The following DPP10 variants were observed in gnomAD, a reference collection of about 807,000 sequenced individuals.
DPP10 encodes the protein dipeptidyl peptidase like 10, also known as inactive dipeptidyl peptidase 10.
DPP10 carries 33 observed loss-of-function variants against 120.9 expected under a neutral mutation model. The ratio of observed to expected loss-of-function variants is 0.27; its 90% CI spans 0.21 to 0.37. The LOEUF (loss-of-function observed/expected upper bound fraction) is 0.37. Among genes scored for constraint, DPP10 ranks in the 10% least tolerant of loss-of-function variants. DPP10 has a pLI of 1.00. For missense variants in DPP10, 816 were observed against 942.8 expected (o/e 0.87, Z 1.76); for synonymous variants, 337 against 326.1 (o/e 1.03, Z -0.36).
At chr2:115,188,288 C>T (rs1386171176) in intron 1 of DPP10, among the ~76,000 whole-genome samples, 1 of 152,040 alleles carries the variant, frequency 6.6e-6, no homozygotes, top group Non-Finnish European at 1.5e-5. Flanking sequence ...GGGCTACAGG[C>T]AAAGAGCTAG....
At chr2:114,802,710 ATAT>A (rs1481197919) in intron 1 of DPP10, among the ~76,000 whole-genome samples, 2 of 152,114 alleles carry the variant, frequency 1.3e-5, no homozygotes, top group Admixed American at 6.5e-5. Context: ...CACTTTTTGT[ATAT>A]TCTTCTTAGT....
At chr2:115,270,580 A>G (rs1175969643) in intron 1 of DPP10, among the ~76,000 whole-genome samples, 1 of 152,168 alleles carries the variant, frequency 6.6e-6, no homozygotes, top group African/African-American at 2.4e-5. Context: ...TGAGCTGTAG[A>G]TCAGTAAGAT....
intron 7 of DPP10, among the ~76,000 whole-genome samples, chr2:115,726,124 C>G (rs2092760728): frequency 6.6e-6 from 1 of 152,128 alleles, no homozygotes; most frequent in African/African-American, 2.4e-5. Flanking sequence ...ATAGCTCTCT[C>G]CTCCTCCATG....
At chr2:115,232,609 T>G (rs1388352376) in intron 1 of DPP10, among the ~76,000 whole-genome samples, 1 of 152,202 alleles carries the variant, frequency 6.6e-6, no homozygotes, top group African/African-American at 2.4e-5. Flanking sequence ...GGAAAAAAAA[T>G]TCTGCCATAT....
chr2:115,814,180 T>G (rs1686970820), intron 19 of DPP10, among the ~76,000 whole-genome samples: 1 of 152,210 alleles, frequency 6.6e-6, no homozygotes, highest in Non-Finnish European at 1.5e-5. Context: ...CTATGCTTCT[T>G]TCTGCTGTCA....
At chr2:115,024,053 C>T (rs919045456) in intron 1 of DPP10, among the ~76,000 whole-genome samples, 1 of 152,042 alleles carries the variant, frequency 6.6e-6, no homozygotes, top group Non-Finnish European at 1.5e-5. Context: ...ACACTGGGTA[C>T]AGTGTACACT....
chr2:115,213,816 C>T (rs1424409772), intron 1 of DPP10, among the ~76,000 whole-genome samples: 1 of 152,000 alleles, frequency 6.6e-6, no homozygotes, highest in Non-Finnish European at 1.5e-5. Flanking sequence ...AAGCTTAGGC[C>T]TATAGTACTT....
chr2:115,572,998 C>T (rs1321917266), intron 5 of DPP10, among the ~76,000 whole-genome samples: 6 of 152,068 alleles, frequency 3.9e-5, no homozygotes, highest in Non-Finnish European at 8.8e-5. Context: ...TTTCTAAATG[C>T]TGAGATAGAG....
intron 1 of DPP10, among the ~76,000 whole-genome samples, chr2:114,756,469 GTCAAC>G (rs925919541): frequency 1.3e-5 from 2 of 152,206 alleles, no homozygotes; most frequent in Admixed American, 6.5e-5. Context: ...AAACTGGAGA[GTCAAC>G]TCAAGTCAGC....
intron 1 of DPP10, among the ~76,000 whole-genome samples, chr2:114,684,922 G>A (rs575125797): frequency 6.6e-6 from 1 of 152,052 alleles, no homozygotes; most frequent in Non-Finnish European, 1.5e-5. Context: ...CACTGAAGTG[G>A]CTGCGGCTGA....
chr2:114,749,118 T>C (rs1196131795), intron 1 of DPP10, among the ~76,000 whole-genome samples: 1 of 146,000 alleles, frequency 6.8e-6, no homozygotes, highest in Non-Finnish European at 1.5e-5. Flanking sequence ...AGATGATATC[T>C]CATAGTGGTT....
intron 1 of DPP10, among the ~76,000 whole-genome samples, chr2:114,819,128 T>A (rs909388324): frequency 6.6e-6 from 1 of 151,228 alleles, no homozygotes; most frequent in African/African-American, 2.4e-5. Context: ...GTATTTATCA[T>A]TTATGATTTT....
rs537748759 is a variant in DPP10 at position 115,782,429 on chromosome 2, G to T, written c.1531+30G>T. The T allele has an allele frequency of 2.3e-5, 37 of 1,590,164 alleles. No homozygotes were observed. In the African/African-American group the frequency reaches 4.4e-4, roughly 19 times the overall value. ...GTACACAAGAAGACAATTAAGAATAGTTATGGTTGGCATTAGTCTTAGACA... is the reference window on the plus strand; with the variant it reads ...GTACACAAGAAGACAATTAAGAATATTTATGGTTGGCATTAGTCTTAGACA... On this transcript the variant is annotated intron_variant, in intron 17 of 25. Transcript: ENST00000410059.
intron 1 of DPP10, among the ~76,000 whole-genome samples, chr2:115,201,931 C>T (rs1450074993): frequency 6.6e-6 from 1 of 152,132 alleles, no homozygotes; most frequent in Non-Finnish European, 1.5e-5. Context: ...TCCTCTCACA[C>T]ATTAGGGTCT....
chr2:115,636,464 T>C (rs1459327620), intron 5 of DPP10, among the ~76,000 whole-genome samples: 1 of 152,162 alleles, frequency 6.6e-6, no homozygotes, highest in Non-Finnish European at 1.5e-5. Flanking sequence ...GTGTTGTGGT[T>C]ATATATTCTT....
intron 1 of DPP10, among the ~76,000 whole-genome samples, chr2:114,989,975 T>C (rs1243824592): frequency 1.3e-5 from 2 of 152,208 alleles, no homozygotes; most frequent in African/African-American, 4.8e-5. Flanking sequence ...AAAGATTCAG[T>C]TTCCTTAACT....
At chr2:114,582,745 G>A (rs1238979010) in intron 1 of DPP10, among the ~76,000 whole-genome samples, 1 of 152,280 alleles carries the variant, frequency 6.6e-6, no homozygotes, top group African/African-American at 2.4e-5. Flanking sequence ...CTCCTTTGAT[G>A]AAGTGTCTAT....
rs898371655 is a variant in DPP10 at position 115,191,524 on chromosome 2, G to T, written c.61-117715G>T. 7.9e-5 allele frequency among the ~76,000 whole-genome samples: 12 copies of T among 152,206 alleles called. No homozygotes were observed. In the East Asian group the frequency reaches 2.3e-3, roughly 29 times the overall value. On this transcript the variant is annotated intron_variant, in intron 1 of 25. Transcript: ENST00000410059. The stretch of plus-strand genomic sequence containing the variant: ...GACGTGGTTACGTTAATAAGTAGGT[G>T]ACCAGCAATAGAGTGAGGAAAGAAG...
rs70937289 is a variant in DPP10 at position 114,556,269 on chromosome 2, A to ATATATATATATATATG, written c.60+113431_60+113432insTATATATATATATATG. ...TATATATATATATATATATATATAT[A>ATATATATATATATATG]GGCAAATAATAGATGATAGATGAGT... On this transcript the variant is annotated intron_variant, in intron 1 of 25. Coordinates refer to ENST00000410059, the MANE Select transcript of DPP10 (RefSeq NM_020868.6). Among the ~76,000 whole-genome samples the ATATATATATATATATG allele has an allele frequency of 4.2e-4, 58 of 139,438 alleles. 1 individual carries two copies. Among genetic ancestry groups the ATATATATATATATATG allele is most frequent in the African/African-American group, 1.5e-3 (55 of 37,624 alleles). 91.5% of individuals were successfully genotyped at this position (139,438 alleles called of 152,430 possible). A position where few individuals can be genotyped will look rare whatever the true frequency, so the allele number is the denominator to read the frequency against.
Sources: gnomAD v4.1 joint callset for allele counts (sites outside exome capture counted in the v4.1 genomes callset) on GRCh38, gnomAD v4.1.1 for gene constraint, MANE v1.5 for transcripts, NCBI Gene and HGNC (gene_info 2026-07-23, HGNC 2026-07-21) for gene names.